GALNT13: variants seen among roughly 807,000 people sequenced by gnomAD.
GALNT13 encodes the protein polypeptide N-acetylgalactosaminyltransferase 13.
In GALNT13, 28 loss-of-function variants were observed where a neutral mutation model predicts 64.2. The ratio of observed to expected loss-of-function variants is 0.44; its 90% CI spans 0.32 to 0.60. The LOEUF (loss-of-function observed/expected upper bound fraction) is 0.60, where lower values mean the gene tolerates loss of function less well. Ranked by LOEUF, GALNT13 falls within the 20% of genes least tolerant of loss-of-function variation. GALNT13 has a pLI of 0.05. For missense variants in GALNT13, 577 were observed against 669.8 expected (o/e 0.86, Z 1.53); for synonymous variants, 214 against 224.6 (o/e 0.95, Z 0.42).
the GALNT13 span, among the ~76,000 whole-genome samples, chr2:153,178,379 T>C: frequency 1.3e-5 from 2 of 152,208 alleles, no homozygotes; most frequent in East Asian, 1.9e-4. Flanking sequence ...TTTTCTCTTT[T>C]GTCTTTTTGA....
chr2:154,143,183 T>A (rs1683364455), intron 4 of GALNT13, among the ~76,000 whole-genome samples: 1 of 152,120 alleles, frequency 6.6e-6, no homozygotes, highest in Non-Finnish European at 1.5e-5. Flanking sequence ...ACAGCCTAGA[T>A]CCTTCGCATG....
the GALNT13 span, among the ~76,000 whole-genome samples, chr2:153,831,886 C>T: frequency 0.42 from 63,221 of 151,954 alleles, 14,150 homozygotes; most frequent in Admixed American, 0.57. Context: ...TTGTTCTATA[C>T]TCGTGTGACA....
At chr2:153,366,804 C>T in the GALNT13 span, among the ~76,000 whole-genome samples, 2 of 137,816 alleles carry the variant, frequency 1.5e-5, no homozygotes, top group East Asian at 2.1e-4. Flanking sequence ...CTGCTGAAAA[C>T]GAAAGAAAGA....
rs551728175 is a variant in GALNT13, at chr2:153,913,274, G to A, written c.-105+12267G>A. 4.6e-5 allele frequency among the ~76,000 whole-genome samples: 7 copies of A among 152,272 alleles called. No homozygotes were observed. In the South Asian group the frequency reaches 1.2e-3, roughly 27 times the overall value. On this transcript the variant is annotated intron_variant, in intron 2 of 12. Coordinates refer to ENST00000392825, the MANE Select transcript of GALNT13 (RefSeq NM_052917.4). ...GCCTGCCAATGCTCTGAGGACAATGGCAATGTGACAGGTGGGGTGGGGGGC... is the reference window on the plus strand; with the variant it reads ...GCCTGCCAATGCTCTGAGGACAATGACAATGTGACAGGTGGGGTGGGGGGC...
At chr2:153,348,907 A>G in the GALNT13 span, among the ~76,000 whole-genome samples, 3 of 152,198 alleles carry the variant, frequency 2.0e-5, no homozygotes, top group South Asian at 6.2e-4. Context: ...CTCTGAGGAC[A>G]GGGATCTGAG....
intron 1 of GALNT13, among the ~76,000 whole-genome samples, chr2:153,886,504 G>A (rs1395206355): frequency 6.6e-6 from 1 of 151,904 alleles, no homozygotes; most frequent in Non-Finnish European, 1.5e-5. Flanking sequence ...GGATGAAGCT[G>A]GAAACCATCA....
chr2:154,232,200 C>T (rs1199540419), intron 4 of GALNT13, among the ~76,000 whole-genome samples: 3 of 152,082 alleles, frequency 2.0e-5, no homozygotes, highest in Non-Finnish European at 2.9e-5. Flanking sequence ...GAAGCTTTCA[C>T]TCATTCAACC....
the GALNT13 span, among the ~76,000 whole-genome samples, chr2:153,515,246 C>T: frequency 6.6e-6 from 1 of 152,248 alleles, no homozygotes; most frequent in African/African-American, 2.4e-5. Context: ...AACCATAACC[C>T]TGATCTGGTC....
the GALNT13 span, among the ~76,000 whole-genome samples, chr2:153,429,705 C>T: frequency 2.6e-4 from 40 of 152,074 alleles, no homozygotes; most frequent in Admixed American, 3.3e-4. Context: ...GCTGGTATTT[C>T]GAAGTACAAA....
the GALNT13 span, among the ~76,000 whole-genome samples, chr2:153,671,533 C>A: frequency 5.1e-4 from 78 of 152,246 alleles, no homozygotes; most frequent in South Asian, 5.8e-3. Context: ...GCCTGCCCTA[C>A]AAGAGCTCCT....
intron 3 of GALNT13, among the ~76,000 whole-genome samples, chr2:153,993,711 A>AT (rs1350372821): frequency 6.6e-6 from 1 of 151,394 alleles, no homozygotes; most frequent in African/African-American, 2.4e-5. Context: ...AAAAAAAAAA[A>AT]AAGATAAATT....
At chr2:153,522,917 A>G in the GALNT13 span, among the ~76,000 whole-genome samples, 1 of 152,156 alleles carries the variant, frequency 6.6e-6, no homozygotes, top group Non-Finnish European at 1.5e-5. Flanking sequence ...TGTATCTAAA[A>G]AGTCATTGAT....
At chr2:153,217,371 C>T in the GALNT13 span, among the ~76,000 whole-genome samples, 1 of 152,002 alleles carries the variant, frequency 6.6e-6, no homozygotes, top group East Asian at 1.9e-4. Context: ...TGTTGTGTGT[C>T]ATTAATTTTG....
chr2:153,406,364 A>G, the GALNT13 span, among the ~76,000 whole-genome samples: 2 of 152,152 alleles, frequency 1.3e-5, no homozygotes, highest in Non-Finnish European at 2.9e-5. Context: ...AAATTTTAAC[A>G]TCACTCTTAA....
intron 4 of GALNT13, among the ~76,000 whole-genome samples, chr2:154,210,370 T>G (rs1687694581): frequency 6.6e-6 from 1 of 152,194 alleles, no homozygotes; most frequent in South Asian, 2.1e-4. Flanking sequence ...ATTGCTGGAT[T>G]ATATGGTAGT....
intron 3 of GALNT13, among the ~76,000 whole-genome samples, chr2:154,011,050 CTT>C (rs1432321623): frequency 6.6e-6 from 1 of 151,730 alleles, no homozygotes; most frequent in Non-Finnish European, 1.5e-5. Flanking sequence ...CAAAAACAAA[CTT>C]TTCGTTATGT....
rs1433362361 is a variant in GALNT13, at chr2:153,872,199, CCGCACTCGG to C, written c.-277_-269del. The C allele has an allele frequency of 6.6e-6, 1 of 151,124 alleles. No individual in the cohort carries two copies. Among genetic ancestry groups the C allele is most frequent in the Non-Finnish European group, 1.5e-5 (1 of 67,772 alleles). The allele number at this position is 151,124 out of a possible 1,614,324, so 9.4% of individuals were successfully genotyped here. Reference sequence around the variant, plus strand: ...CAGGTGAGCGCGGACTCGGCGAGCCCCGCACTCGGCGCGGCCGGCCGGCGCCTGCTGGGC... The same window carrying C: ...CAGGTGAGCGCGGACTCGGCGAGCCCCGCGGCCGGCCGGCGCCTGCTGGGC... On this transcript the variant is annotated 5_prime_UTR_variant, in exon 1 of 13. Coordinates refer to ENST00000392825, the MANE Select transcript of GALNT13 (RefSeq NM_052917.4).
intron 9 of GALNT13, among the ~76,000 whole-genome samples, chr2:154,312,840 A>G (rs1440173231): frequency 2.0e-5 from 3 of 152,158 alleles, no homozygotes; most frequent in African/African-American, 7.2e-5. Flanking sequence ...ATCTTTCCTT[A>G]TGAAAAGGGG....
At chr2:154,349,092 C>A (rs867539460) in intron 9 of GALNT13, among the ~76,000 whole-genome samples, 1 of 152,112 alleles carries the variant, frequency 6.6e-6, no homozygotes, top group Non-Finnish European at 1.5e-5. Flanking sequence ...TAATCAAATG[C>A]AATTTTAGAG....
Sources: allele counts gnomAD v4.1 joint callset (sites outside exome capture counted in the v4.1 genomes callset), GRCh38; gene constraint gnomAD v4.1.1; transcripts MANE v1.5; gene names NCBI Gene and HGNC (gene_info 2026-07-23, HGNC 2026-07-21).